Variants in ARHGEF10 observed in about 807,000 individuals in gnomAD.
ARHGEF10 encodes the protein Rho guanine nucleotide exchange factor (GEF) 10.
In ARHGEF10, 140 loss-of-function variants were observed where a neutral mutation model predicts 147.4. The observed-to-expected ratio is 0.95, with a 90% confidence interval of 0.83 to 1.09. The LOEUF is 1.09. Ranked by LOEUF, ARHGEF10 falls within the 50% of genes least tolerant of loss-of-function variation. The pLI is 0.00. For missense variants in ARHGEF10, 2,222 were observed against 1,752.7 expected, an observed-to-expected ratio of 1.27 and a Z score of -4.78; for synonymous variants, 902 against 695.8, an observed-to-expected ratio of 1.30 and a Z score of -4.67.
intron 18 of ARHGEF10, among the ~76,000 whole-genome samples, chr8:1,916,476 C>G (rs1451429422): frequency 1.3e-5 from 2 of 152,192 alleles, no homozygotes. Flanking sequence ...TTGTTAAAAA[C>G]CAAACTGGAT....
intron 7 of ARHGEF10, 78 bp downstream of exon 7, chr8:1,869,328 G>A: frequency 1.6e-6 from 2 of 1,257,262 alleles, no homozygotes; most frequent in South Asian, 2.4e-5. Context: ...TGACTATTTA[G>A]TGGACGGCCC....
At chr8:1,850,499 G>T (rs1205639733) in intron 2 of ARHGEF10, among the ~76,000 whole-genome samples, 1 of 151,262 alleles carries the variant, frequency 6.6e-6, no homozygotes, top group Non-Finnish European at 1.5e-5. Flanking sequence ...GACGGCATGG[G>T]CCACCCGCGT....
chr8:1,949,018 A>ATG (rs56097916), intron 27 of ARHGEF10, among the ~76,000 whole-genome samples: 7,528 of 150,018 alleles, frequency 0.05, 222 homozygotes, highest in Middle Eastern at 0.092. Context: ...ATGGGTTTTC[A>ATG]TGTGTGTGTG....
At chr8:1,849,975 CGGCT>C (rs1804932086) in intron 2 of ARHGEF10, among the ~76,000 whole-genome samples, 3 of 109,312 alleles carry the variant, frequency 2.7e-5, no homozygotes, top group Non-Finnish European at 3.7e-5. Context: ...GGGCGTGGGC[CGGCT>C]GCATGGACAC....
chr8:1,874,899 C>T (rs562723970), intron 7 of ARHGEF10, among the ~76,000 whole-genome samples: 17 of 17,542 alleles, frequency 9.7e-4, no homozygotes, highest in African/African-American at 1.4e-3. Flanking sequence ...CACCCGGGGC[C>T]GTGTAGGGGG....
chr8:1,882,092 C>T (rs1228576150), intron 9 of ARHGEF10, among the ~76,000 whole-genome samples: 2 of 152,166 alleles, frequency 1.3e-5, no homozygotes, highest in Non-Finnish European at 1.5e-5. Context: ...TGCTGCACCC[C>T]GACCCTCCCT....
intron 1 of ARHGEF10, among the ~76,000 whole-genome samples, chr8:1,841,300 G>A (rs1449569174): frequency 3.3e-5 from 5 of 152,240 alleles, no homozygotes; most frequent in African/African-American, 9.6e-5. Flanking sequence ...TGGGTCACGT[G>A]TGAGGCCTGC....
Position 1,869,545 on chromosome 8 carries a change from C to T in ARHGEF10, c.679+295C>T, listed in dbSNP as rs184923480. 356 of 526,870 alleles carry T rather than the reference C, an allele frequency of 6.8e-4. 2 individuals carry two copies. Among genetic ancestry groups the T allele is most frequent in the Non-Finnish European group, 1.1e-3 (310 of 291,392 alleles). The allele number at this position is 526,870 out of a possible 1,614,324, so 32.6% of individuals were successfully genotyped here. On this transcript the variant is annotated intron_variant, in intron 7 of 28. Transcript: ENST00000349830. ...AGGAAACACAGAGGCTGAGAAGCAG[C>T]AATGTATATCGAATAAATGACATCA...
chr8:1,936,029 A>T (rs1282312141), intron 26 of ARHGEF10, among the ~76,000 whole-genome samples: 1 of 152,184 alleles, frequency 6.6e-6, no homozygotes, highest in Non-Finnish European at 1.5e-5. Flanking sequence ...TCCTGAAATG[A>T]TGAGGAAAAG....
At chr8:1,880,026 A>T (rs1336499067) in intron 8 of ARHGEF10, 22 bp from the exon 9 acceptor site, 1 of 1,529,110 alleles carries the variant, frequency 6.5e-7, no homozygotes, top group African/African-American at 1.4e-5. Flanking sequence ...TTGTGAAAAG[A>T]CTGTGTCTCT....
At chr8:1,945,196 A>G (rs748041007) in intron 26 of ARHGEF10, among the ~76,000 whole-genome samples, 1 of 152,150 alleles carries the variant, frequency 6.6e-6, no homozygotes, top group Non-Finnish European at 1.5e-5. Flanking sequence ...CAGCCTGCCC[A>G]TGTCTCCTTT....
chr8:1,868,271 C>T (rs763398264), intron 6 of ARHGEF10, among the ~76,000 whole-genome samples: 6 of 152,066 alleles, frequency 3.9e-5, no homozygotes, highest in Non-Finnish European at 8.8e-5. Context: ...GGCTGGATGT[C>T]AGGGGAGAGT....
intron 11 of ARHGEF10, among the ~76,000 whole-genome samples, chr8:1,890,851 G>C (rs147381418): frequency 3.6e-4 from 55 of 152,248 alleles, no homozygotes; most frequent in African/African-American, 1.1e-3. Context: ...GTTGGGTACT[G>C]ATTTTGGTGG....
chr8:1,896,504 T>C, intron 14 of ARHGEF10, 55 bp downstream of exon 14: 4 of 1,222,446 alleles, frequency 3.3e-6, no homozygotes, highest in East Asian at 2.3e-5. Context: ...ACAAGTTACA[T>C]GTCAAAGCTT....
intron 15 of ARHGEF10, among the ~76,000 whole-genome samples, chr8:1,901,580 C>T (rs560051178): frequency 1.5e-4 from 23 of 152,352 alleles, no homozygotes; most frequent in African/African-American, 5.3e-4. Flanking sequence ...ATAACAGCAG[C>T]GAGAAACTTC....
At chr8:1,951,780 T>C (rs1229263826) in intron 27 of ARHGEF10, among the ~76,000 whole-genome samples, 1 of 152,220 alleles carries the variant, frequency 6.6e-6, no homozygotes, top group Non-Finnish European at 1.5e-5. Context: ...AAGGCCGCGA[T>C]GCTGACGATT....
At chr8:1,945,121 A>G (rs1176201753) in intron 26 of ARHGEF10, among the ~76,000 whole-genome samples, 1 of 152,206 alleles carries the variant, frequency 6.6e-6, no homozygotes, top group Non-Finnish European at 1.5e-5. Flanking sequence ...TAGCTTGGAG[A>G]CATCGAGGAA....
intron 2 of ARHGEF10, among the ~76,000 whole-genome samples, chr8:1,846,153 G>A (rs761852864): frequency 2.6e-5 from 4 of 152,228 alleles, no homozygotes; most frequent in Admixed American, 1.3e-4. Flanking sequence ...GCGGGAGCCC[G>A]GGAGCCGCGG....
intron 19 of ARHGEF10, 116 bp from the exon 20 acceptor site, chr8:1,923,352 T>C (rs1477118694): frequency 2.0e-6 from 3 of 1,472,540 alleles, no homozygotes; most frequent in African/African-American, 2.8e-5. Context: ...TTTTTCATAA[T>C]CTAATAGTTT....
Sources: gnomAD v4.1 joint callset for allele counts (sites outside exome capture counted in the v4.1 genomes callset) on GRCh38, gnomAD v4.1.1 for gene constraint, MANE v1.5 for transcripts, NCBI Gene and HGNC (gene_info 2026-07-23, HGNC 2026-07-21) for gene names.